The following ADAMTS12 variants were observed in gnomAD, a reference collection of about 807,000 sequenced individuals.
ADAMTS12 encodes A disintegrin and metalloproteinase with thrombospondin motifs 12.
ADAMTS12 carries 118 observed loss-of-function variants against 167.8 expected under a neutral mutation model. That is an observed-to-expected ratio of 0.70 (90% CI 0.61 to 0.82). ADAMTS12 has a LOEUF of 0.82. ADAMTS12 is among the 40% of genes least tolerant of loss of function. The pLI is 0.00. For synonymous variants in ADAMTS12, 704 were observed against 716.9 expected, an observed-to-expected ratio of 0.98 and a Z score of 0.29; for missense variants, 1,916 against 1,998.8, an observed-to-expected ratio of 0.96 and a Z score of 0.79.
At chr5:33,883,326 TG>T (rs1273900375) in intron 1 of ADAMTS12, among the ~76,000 whole-genome samples, 10 of 107,850 alleles carry the variant, frequency 9.3e-5, no homozygotes, top group African/African-American at 2.4e-4. Context: ...GTTTTTTTTT[TG>T]TTTTTTTTTT....
intron 3 of ADAMTS12, among the ~76,000 whole-genome samples, chr5:33,733,385 C>T (rs986434916): frequency 2.6e-5 from 4 of 152,174 alleles, no homozygotes; most frequent in African/African-American, 9.6e-5. Flanking sequence ...CTTTTAACAG[C>T]GTGAGCCTGA....
chr5:33,557,095 T>C (rs950084136), intron 20 of ADAMTS12, among the ~76,000 whole-genome samples: 1 of 152,136 alleles, frequency 6.6e-6, no homozygotes, highest in African/African-American at 2.4e-5. Flanking sequence ...AGTAAAACAA[T>C]TGCAATCCAG....
At chr5:33,800,129 C>T (rs1002709638) in intron 2 of ADAMTS12, among the ~76,000 whole-genome samples, 2 of 152,180 alleles carry the variant, frequency 1.3e-5, no homozygotes, top group Non-Finnish European at 2.9e-5. Flanking sequence ...TTCTAACTTT[C>T]ACTCATTCAG....
chr5:33,620,815 T>C (rs1739285183), intron 14 of ADAMTS12, among the ~76,000 whole-genome samples: 1 of 152,222 alleles, frequency 6.6e-6, no homozygotes, highest in South Asian at 2.1e-4. Flanking sequence ...GTGAGTTTTC[T>C]CAAATTGTCA....
At chr5:33,785,139 A>T (rs1299042382) in intron 2 of ADAMTS12, among the ~76,000 whole-genome samples, 1 of 152,024 alleles carries the variant, frequency 6.6e-6, no homozygotes, top group Non-Finnish European at 1.5e-5. Context: ...ATGATGATGG[A>T]CACCTTTCTC....
chr5:33,699,568 T>C (rs1314633855), intron 3 of ADAMTS12, among the ~76,000 whole-genome samples: 1 of 152,142 alleles, frequency 6.6e-6, no homozygotes, highest in Non-Finnish European at 1.5e-5. Flanking sequence ...ATCATTAAAA[T>C]TACTTTCTCT....
At chr5:33,755,501 A>C (rs1479545066) in intron 2 of ADAMTS12, among the ~76,000 whole-genome samples, 1 of 152,248 alleles carries the variant, frequency 6.6e-6, no homozygotes, top group Non-Finnish European at 1.5e-5. Context: ...TCAACATATT[A>C]GTCATCTTGA....
intron 19 of ADAMTS12, among the ~76,000 whole-genome samples, chr5:33,569,966 T>C (rs1259621903): frequency 1.3e-5 from 2 of 152,166 alleles, no homozygotes; most frequent in African/African-American, 4.8e-5. Context: ...CCTCAGGAGC[T>C]GATGTGATCA....
chr5:33,857,459 A>G (rs1251952158), intron 2 of ADAMTS12, among the ~76,000 whole-genome samples: 1 of 152,120 alleles, frequency 6.6e-6, no homozygotes, highest in Non-Finnish European at 1.5e-5. Context: ...GGTAATTAAT[A>G]TGAGGTGATG....
At chr5:33,624,135 T>C in intron 14 of ADAMTS12, 96 bp downstream of exon 14, 1 of 1,546,706 alleles carries the variant, frequency 6.5e-7, no homozygotes, top group Admixed American at 1.8e-5. Context: ...ACAGACTGTT[T>C]AAAGAAATAA....
At chr5:33,593,849 A>T (rs954013076) in intron 17 of ADAMTS12, among the ~76,000 whole-genome samples, 2 of 152,184 alleles carry the variant, frequency 1.3e-5, no homozygotes, top group African/African-American at 2.4e-5. Context: ...AGTAAAATTT[A>T]AAAAAAGAAG....
chr5:33,803,641 G>A (rs527461834), intron 2 of ADAMTS12, among the ~76,000 whole-genome samples: 2 of 152,322 alleles, frequency 1.3e-5, no homozygotes. Context: ...CCCAAGACTG[G>A]GTAATTTATA....
chr5:33,797,697 T>C (rs924620303), intron 2 of ADAMTS12, among the ~76,000 whole-genome samples: 1 of 152,190 alleles, frequency 6.6e-6, no homozygotes, highest in Non-Finnish European at 1.5e-5. Context: ...TAAGGATTAA[T>C]GGAATTGTAT....
intron 14 of ADAMTS12, among the ~76,000 whole-genome samples, chr5:33,619,888 T>C (rs1213739650): frequency 6.6e-6 from 1 of 152,108 alleles, no homozygotes; most frequent in East Asian, 1.9e-4. Context: ...AGAGACAGGG[T>C]TTCACCACGT....
At chr5:33,633,966 T>A (rs551551840) in intron 12 of ADAMTS12, among the ~76,000 whole-genome samples, 1 of 152,148 alleles carries the variant, frequency 6.6e-6, no homozygotes, top group Non-Finnish European at 1.5e-5. Context: ...AATTTACTAG[T>A]GAACTCTCAC....
chr5:33,634,435 C>A (rs1740099630), intron 12 of ADAMTS12, among the ~76,000 whole-genome samples: 1 of 152,098 alleles, frequency 6.6e-6, no homozygotes, highest in Admixed American at 6.6e-5. Flanking sequence ...TGCACCCCTG[C>A]CACTCCTCAA....
chr5:33,781,555 A>G (rs187936228), intron 2 of ADAMTS12, among the ~76,000 whole-genome samples: 5 of 152,280 alleles, frequency 3.3e-5, no homozygotes, highest in East Asian at 1.9e-4. Flanking sequence ...GAAGCAAACA[A>G]AACAGCTGCA....
chr5:33,593,490 G>A (rs1242114222), intron 17 of ADAMTS12, among the ~76,000 whole-genome samples: 5 of 152,170 alleles, frequency 3.3e-5, no homozygotes, highest in Admixed American at 3.3e-4. Flanking sequence ...ACAAATTAGG[G>A]TTGCTTACAG....
intron 14 of ADAMTS12, among the ~76,000 whole-genome samples, chr5:33,623,758 G>A (rs1249937908): frequency 6.6e-6 from 1 of 152,082 alleles, no homozygotes; most frequent in African/African-American, 2.4e-5. Context: ...TGAATTGAAG[G>A]TGCACCCCAA....
Sources: allele counts gnomAD v4.1 joint callset (sites outside exome capture counted in the v4.1 genomes callset), GRCh38; gene constraint gnomAD v4.1.1; transcripts MANE v1.5; gene names NCBI Gene and HGNC (gene_info 2026-07-23, HGNC 2026-07-21).